RBM19: variants seen among roughly 807,000 people sequenced by gnomAD.
The protein encoded by RBM19 is probable RNA-binding protein 19.
RBM19 carries 94 observed loss-of-function variants against 116.8 expected under a neutral mutation model. That is an observed-to-expected ratio of 0.80 (90% CI 0.68 to 0.95). RBM19 has a LOEUF of 0.95. Among genes scored for constraint, RBM19 ranks in the 40% least tolerant of loss-of-function variants. RBM19 has a pLI of 0.00. For missense variants in RBM19, 1,161 were observed against 1,220.7 expected, an observed-to-expected ratio of 0.95 and a Z score of 0.73; for synonymous variants, 475 against 494.1, an observed-to-expected ratio of 0.96 and a Z score of 0.51.
chr12:113,842,980 G>A (rs889359533), intron 23 of RBM19, among the ~76,000 whole-genome samples: 1 of 152,174 alleles, frequency 6.6e-6, no homozygotes, highest in Non-Finnish European at 1.5e-5. Flanking sequence ...GTTCTGAAGC[G>A]TGTGGCAGCT....
chr12:113,853,497 C>T (rs1015463456), intron 22 of RBM19, among the ~76,000 whole-genome samples: 5 of 152,226 alleles, frequency 3.3e-5, no homozygotes, highest in African/African-American at 1.2e-4. Flanking sequence ...AAATTAAAGG[C>T]ACATTGCATG....
intron 21 of RBM19, among the ~76,000 whole-genome samples, chr12:113,890,797 T>G (rs1880911819): frequency 6.6e-6 from 1 of 152,150 alleles, no homozygotes; most frequent in Non-Finnish European, 1.5e-5. Flanking sequence ...GTGGAATATA[T>G]ATAATTTTTG....
chr12:113,954,885 T>G (rs925509144), intron 7 of RBM19, among the ~76,000 whole-genome samples: 2 of 152,188 alleles, frequency 1.3e-5, no homozygotes, highest in African/African-American at 4.8e-5. Flanking sequence ...TAACAGAGTG[T>G]GTGCCCACCC....
intron 23 of RBM19, among the ~76,000 whole-genome samples, chr12:113,831,742 C>A (rs1875431024): frequency 6.6e-6 from 1 of 152,212 alleles, no homozygotes; most frequent in Non-Finnish European, 1.5e-5. Context: ...GACAGCCGCT[C>A]CCGGGGGAAG....
At chr12:113,823,642 C>A (rs947724802) in intron 23 of RBM19, among the ~76,000 whole-genome samples, 5 of 152,062 alleles carry the variant, frequency 3.3e-5, no homozygotes, top group African/African-American at 1.2e-4. Flanking sequence ...CTCCCTCGCA[C>A]CCCCAGAAAC....
intron 17 of RBM19, among the ~76,000 whole-genome samples, chr12:113,925,047 G>A (rs549823095): frequency 1.3e-5 from 2 of 152,294 alleles, no homozygotes; most frequent in East Asian, 3.9e-4. Flanking sequence ...CCTAAGTTCC[G>A]AAGCATGGGG....
chr12:113,895,399 TC>T (rs1403440649), intron 21 of RBM19, among the ~76,000 whole-genome samples: 2 of 152,136 alleles, frequency 1.3e-5, no homozygotes, highest in Non-Finnish European at 2.9e-5. Flanking sequence ...AAACCCACTT[TC>T]CTTATCTGTG....
chr12:113,910,275 A>C (rs1204712489), intron 21 of RBM19, among the ~76,000 whole-genome samples: 5 of 151,950 alleles, frequency 3.3e-5, no homozygotes, highest in Non-Finnish European at 7.4e-5. Context: ...AGGCAGACAC[A>C]CTCTTCATTC....
intron 11 of RBM19, 85 bp from the exon 12 acceptor site, chr12:113,946,560 G>A (rs946241425): frequency 6.4e-5 from 101 of 1,571,834 alleles, no homozygotes; most frequent in Non-Finnish European, 8.3e-5. Context: ...CTTCTGCCAC[G>A]AGTAAGCTGG....
chr12:113,834,952 C>A (rs768850187), intron 23 of RBM19, among the ~76,000 whole-genome samples: 2 of 152,198 alleles, frequency 1.3e-5, no homozygotes, highest in African/African-American at 2.4e-5. Context: ...AGGTCCATGA[C>A]AAAGCTTTCT....
chr12:113,853,212 T>G (rs1565975650), intron 22 of RBM19, among the ~76,000 whole-genome samples: 1 of 152,026 alleles, frequency 6.6e-6, no homozygotes, highest in African/African-American at 2.4e-5. Flanking sequence ...AGTGGAAAAG[T>G]GAGAAATGAG....
chr12:113,941,257 C>G (rs996623309), intron 14 of RBM19, among the ~76,000 whole-genome samples: 1 of 152,150 alleles, frequency 6.6e-6, no homozygotes, highest in Admixed American at 6.5e-5. Flanking sequence ...GTGGGAAAGG[C>G]TGGGCACCTG....
chr12:113,827,525 C>CG (rs536821782), intron 23 of RBM19, among the ~76,000 whole-genome samples: 55 of 5,774 alleles, frequency 9.5e-3, no homozygotes, highest in African/African-American at 0.017. Flanking sequence ...GGCGGGGGGG[C>CG]GGGGGGGTGC....
chr12:113,954,632 T>C (rs925582622), intron 7 of RBM19, among the ~76,000 whole-genome samples: 1 of 152,250 alleles, frequency 6.6e-6, no homozygotes, highest in Non-Finnish European at 1.5e-5. Flanking sequence ...ATTGAACTAC[T>C]ACTTTCACGA....
intron 23 of RBM19, among the ~76,000 whole-genome samples, chr12:113,837,053 G>C (rs1876006752): frequency 7.6e-6 from 1 of 132,342 alleles, no homozygotes; most frequent in Admixed American, 8.1e-5. Context: ...ATGCTTATGT[G>C]TCAGGCATAC....
chr12:113,953,582 T>C (rs7960852), intron 7 of RBM19, among the ~76,000 whole-genome samples: 2,485 of 152,364 alleles, frequency 0.016, 74 homozygotes, highest in African/African-American at 0.056. Flanking sequence ...TAACATGAGA[T>C]GCCAATTTTA....
rs57242923 is a variant in RBM19 at position 113,928,625 on chromosome 12, A to ATGTGTGTGTGTGTGTGTGTG, written c.2069-1416_2069-1397dup. On this transcript the variant is annotated intron_variant, in intron 16 of 23. Coordinates refer to ENST00000261741, the MANE Select transcript of RBM19 (RefSeq NM_016196.4). ...ATGTGAAGTTGTGAGTTAGCAAGGG[A>ATGTGTGTGTGTGTGTGTGTG]TGTGTGTGTGTGTGTGTGTGTGTGT... 1.8e-3 allele frequency among the ~76,000 whole-genome samples: 212 copies of ATGTGTGTGTGTGTGTGTGTG among 120,418 alleles called. 2 individuals are homozygous for ATGTGTGTGTGTGTGTGTGTG. Among genetic ancestry groups the ATGTGTGTGTGTGTGTGTGTG allele is most frequent in the East Asian group, 5.0e-3 (16 of 3,224 alleles). 79.0% of individuals were successfully genotyped at this position (120,418 alleles called of 152,430 possible).
At chr12:113,943,464 G>A (rs146183785) in intron 13 of RBM19, among the ~76,000 whole-genome samples, 12 of 151,424 alleles carry the variant, frequency 7.9e-5, no homozygotes, top group African/African-American at 1.7e-4. Context: ...ACAGAATTCC[G>A]TGAGGAAAAA....
chr12:113,950,879 C>T (rs1467778572), intron 8 of RBM19, among the ~76,000 whole-genome samples: 1 of 152,102 alleles, frequency 6.6e-6, no homozygotes, highest in Non-Finnish European at 1.5e-5. Context: ...TAAACATCTT[C>T]CGTCCTTTTC....
Sources: gnomAD v4.1 joint callset for allele counts (sites outside exome capture counted in the v4.1 genomes callset) on GRCh38, gnomAD v4.1.1 for gene constraint, MANE v1.5 for transcripts, NCBI Gene and HGNC (gene_info 2026-07-23, HGNC 2026-07-21) for gene names.